Variants in TNFRSF8 observed in about 807,000 individuals in gnomAD.
The protein encoded by TNFRSF8 is tumor necrosis factor receptor superfamily member 8.
In TNFRSF8, 26 loss-of-function variants were observed where a neutral mutation model predicts 70.8. That is an observed-to-expected ratio of 0.37 (90% CI 0.27 to 0.51). The LOEUF is 0.51. TNFRSF8 is among the 20% of genes least tolerant of loss of function. The pLI is 0.94. For missense variants in TNFRSF8, 720 were observed against 807.9 expected (o/e 0.89, Z 1.32); for synonymous variants, 356 against 339.2 (o/e 1.05, Z -0.54).
intron 12 of TNFRSF8, among the ~76,000 whole-genome samples, chr1:12,130,943 C>CA (rs1224940240): frequency 3.3e-5 from 5 of 152,214 alleles, no homozygotes. Context: ...TGGGTTGTAA[C>CA]ACGGCTCTTG....
chr1:12,070,888 T>C (rs970061431), intron 1 of TNFRSF8, among the ~76,000 whole-genome samples: 4 of 152,188 alleles, frequency 2.6e-5, no homozygotes, highest in African/African-American at 7.2e-5. Flanking sequence ...GCTGCTGATA[T>C]GAATCTCTGG....
At chr1:12,066,257 C>T (rs1640738072) in intron 1 of TNFRSF8, among the ~76,000 whole-genome samples, 1 of 151,958 alleles carries the variant, frequency 6.6e-6, no homozygotes, top group African/African-American at 2.4e-5. Flanking sequence ...GCCCCTCAAG[C>T]CTTCTCCCAC....
intron 2 of TNFRSF8, among the ~76,000 whole-genome samples, chr1:12,092,668 C>T (rs1177919197): frequency 1.3e-5 from 2 of 151,730 alleles, no homozygotes; most frequent in South Asian, 2.1e-4. Context: ...CCACCACACC[C>T]GGCTAATTTT....
intron 8 of TNFRSF8, among the ~76,000 whole-genome samples, chr1:12,116,144 G>A (rs2101014769): frequency 6.6e-6 from 1 of 151,872 alleles, no homozygotes; most frequent in Middle Eastern, 3.4e-3. Context: ...ACCACAGCCG[G>A]CTAATGTTGT....
Position 12,097,181 on chromosome 1 carries a change from G to A in TNFRSF8, c.232G>A (p.Ala78Thr), listed in dbSNP as rs536232983. 8 of 1,614,054 alleles carry A rather than the reference G, an allele frequency of 5.0e-6. No homozygotes were observed. The East Asian group carries it at 1.8e-4, about 36-fold the overall frequency. The change falls in exon 3 of 15, where the codon GCC (alanine) becomes ACC (threonine). Residue 78 changes from alanine to threonine, a missense_variant. By Grantham distance (58) the Ala-to-Thr change is moderately conservative. Coordinates refer to ENST00000263932, the MANE Select transcript of TNFRSF8 (RefSeq NM_001243.5). The part of the protein sequence containing the change: ...QCEPDYYLDE[A>T]DRCTACVTCS... ...TGAGCCTGACTACTACCTGGATGAG[G>A]CCGACCGCTGTACAGCCTGCGTGAC...
At chr1:12,098,782 C>T (rs755586004) in intron 3 of TNFRSF8, among the ~76,000 whole-genome samples, 1 of 152,082 alleles carries the variant, frequency 6.6e-6, no homozygotes, top group Non-Finnish European at 1.5e-5. Flanking sequence ...GCAAAATCTG[C>T]TTAGTTTGAG....
chr1:12,087,745 C>A, intron 2 of TNFRSF8, among the ~76,000 whole-genome samples: 1 of 152,210 alleles, frequency 6.6e-6, no homozygotes, highest in Non-Finnish European at 1.5e-5. Flanking sequence ...GCCCCTTTGA[C>A]TCCAGCCTGA....
At position 12,119,705 on chromosome 1, in the gene TNFRSF8, G is replaced by A. The variant is rs1340746877; in HGVS notation, c.947-3579G>A. On this transcript the variant is annotated intron_variant, in intron 8 of 14. Transcript: ENST00000263932. This position sits in a 1 kb window ranked among gnomAD's most constrained non-coding sequence, Gnocchi z 4.4. ...CAGCATTGAACTCCTGGGCTCGGGC[G>A]ATCCTCCCACCTCAGCCTCCCACAG... is the stretch of plus-strand genomic sequence containing the variant. 2.0e-5 allele frequency among the ~76,000 whole-genome samples: 3 copies of A among 151,970 alleles called. No individual in the cohort carries two copies. Among genetic ancestry groups the A allele is most frequent in the East Asian group, 1.9e-4 (1 of 5,186 alleles).
At chr1:12,103,343 A>G (rs1473974241) in intron 3 of TNFRSF8, among the ~76,000 whole-genome samples, 1 of 151,686 alleles carries the variant, frequency 6.6e-6, no homozygotes, top group Non-Finnish European at 1.5e-5. Context: ...TGACAGAGTG[A>G]GACTCTGTCT....
Position 12,063,672 on chromosome 1 carries a change from G to T in TNFRSF8, c.63+11G>T. 7.9e-7 allele frequency: 1 copy of T among 1,270,072 alleles called. No homozygotes were observed. 78.7% of individuals were successfully genotyped at this position (1,270,072 alleles called of 1,614,324 possible). On this transcript the variant is annotated intron_variant, in intron 1 of 14. Transcript: ENST00000263932. The surrounding 1 kb of genome is among the most constrained non-coding windows in gnomAD (Gnocchi z 7.2). The stretch of plus-strand genomic sequence containing the variant: ...CGAGCCTTCCCACAGGTAAGCGGGT[G>T]ACGGGCGCCTGGGGAGGTGCCGGCG...
At position 12,138,344 on chromosome 1, in the gene TNFRSF8, C is replaced by T. The variant is rs777410629; in HGVS notation, c.1451C>T (p.Pro484Leu). The T allele has an allele frequency of 3.5e-5, 56 of 1,613,620 alleles. 1 individual carries two copies. The highest frequency in any genetic ancestry group is 8.3e-5 in the Admixed American group (5 of 59,992). ...SVGAAYLESL[P>L]LQDASPAGGP... is the part of the protein sequence containing the mutation. ...GGGGCAGCCTACCTGGAGAGCCTGC[C>T]GCTGCAGGATGCCAGCCCGGCCGGG... The change falls in exon 14 of 15, where the codon CCG (proline) becomes CTG (leucine). Residue 484 changes from proline (P) to leucine (L), a missense_variant. Physicochemically the swap from Pro to Leu is moderately conservative, Grantham distance 98. Transcript: ENST00000263932. The surrounding 1 kb of genome is among the most constrained non-coding windows in gnomAD (Gnocchi z 5.7).
At chr1:12,090,561 C>T (rs917839623) in intron 2 of TNFRSF8, among the ~76,000 whole-genome samples, 3 of 151,618 alleles carry the variant, frequency 2.0e-5, no homozygotes, top group African/African-American at 4.8e-5. Context: ...TTCACCTATG[C>T]ACTCACTCAT....
chr1:12,123,435 A>C, intron 9 of TNFRSF8, 58 bp downstream of exon 9: 2 of 1,487,684 alleles, frequency 1.3e-6, no homozygotes, highest in Non-Finnish European at 1.8e-6. Flanking sequence ...TGTCCCTGCC[A>C]TGCCCAGGGG....
chr1:12,093,615 A>G (rs1348045548), intron 2 of TNFRSF8, among the ~76,000 whole-genome samples: 1 of 151,892 alleles, frequency 6.6e-6, no homozygotes, highest in Non-Finnish European at 1.5e-5. Context: ...ATGCCCGCTC[A>G]CTGCAACCTC....
intron 2 of TNFRSF8, among the ~76,000 whole-genome samples, chr1:12,087,851 C>T (rs1641181406): frequency 6.6e-6 from 1 of 152,174 alleles, no homozygotes; most frequent in Admixed American, 6.5e-5. Flanking sequence ...AGGGGGCTCC[C>T]TCCTCCCCAC....
rs543678541 is a variant in TNFRSF8, at chr1:12,141,130, G to A, written c.1544-1157G>A. ...AGAAGAACCAGCGTCATGCAATAGG[G>A]TTGAGGGTGTGGGGGACTCGAGAAC... On this transcript the variant is annotated intron_variant, in intron 14 of 14. Coordinates refer to ENST00000263932, the MANE Select transcript of TNFRSF8 (RefSeq NM_001243.5). This position sits in a 1 kb window ranked among gnomAD's most constrained non-coding sequence, Gnocchi z 5.4. 6.6e-5 allele frequency among the ~76,000 whole-genome samples: 10 copies of A among 152,284 alleles called. No individual in the cohort carries two copies. The highest frequency in any genetic ancestry group is 1.3e-4 in the Non-Finnish European group (9 of 68,026).
chr1:12,082,165 C>G (rs1641075382), intron 1 of TNFRSF8, among the ~76,000 whole-genome samples: 1 of 152,308 alleles, frequency 6.6e-6, no homozygotes, highest in East Asian at 1.9e-4. Context: ...GGAATCTCAA[C>G]AAAGAATTTC....
chr1:12,081,749 C>G (rs1240868835), intron 1 of TNFRSF8, among the ~76,000 whole-genome samples: 1 of 152,184 alleles, frequency 6.6e-6, no homozygotes, highest in Non-Finnish European at 1.5e-5. Context: ...ATGCCGGAAG[C>G]TTCACTGCTC....
At position 12,138,372 on chromosome 1, in the gene TNFRSF8, C is replaced by T; in HGVS notation, c.1479C>T (p.Gly493=). ...LPLQDASPAG[G]PSSPRDLPEP... The stretch of plus-strand genomic sequence containing the variant: ...TGCAGGATGCCAGCCCGGCCGGGGG[C>T]CCCTCGTCCCCCAGGGACCTTCCTG... The change falls in exon 14 of 15, where the codon GGC becomes GGT. Residue 493 remains glycine, a synonymous_variant. Coordinates refer to ENST00000263932, the MANE Select transcript of TNFRSF8 (RefSeq NM_001243.5). This position sits in a 1 kb window ranked among gnomAD's most constrained non-coding sequence, Gnocchi z 5.7. The T allele has an allele frequency of 1.2e-6, 2 of 1,613,632 alleles. No homozygotes were observed. The highest frequency in any genetic ancestry group is 1.3e-5 in the African/African-American group (1 of 75,034).
Sources: gnomAD v4.1 joint callset for allele counts (sites outside exome capture counted in the v4.1 genomes callset) on GRCh38, gnomAD v4.1.1 for gene constraint, Gnocchi (gnomAD v3.1) non-coding constraint, MANE v1.5 for transcripts, NCBI Gene and HGNC (gene_info 2026-07-23, HGNC 2026-07-21) for gene names.